Variants in FOXJ2 observed in about 807,000 individuals in gnomAD.
FOXJ2 encodes the protein forkhead box J2.
In FOXJ2, 18 loss-of-function variants were observed where a neutral mutation model predicts 68.4. That is an observed-to-expected ratio of 0.26 (90% confidence interval 0.18 to 0.39). The LOEUF (loss-of-function observed/expected upper bound fraction) is 0.39, where lower values mean the gene tolerates loss of function less well. FOXJ2 is among the 10% of genes least tolerant of loss of function. The pLI is 1.00. For synonymous variants in FOXJ2, 274 were observed against 263.2 expected (o/e 1.04, Z -0.40); for missense variants, 670 against 726.5 (o/e 0.92, Z 0.89).
At chr12:8,036,530 T>C (rs919222565) in intron 1 of FOXJ2, among the ~76,000 whole-genome samples, 4 of 151,368 alleles carry the variant, frequency 2.6e-5, no homozygotes, top group African/African-American at 4.9e-5. Flanking sequence ...GTGGCCTGAC[T>C]CAGGTTCTGC....
At chr12:8,045,519 G>A (rs1287871042) in intron 6 of FOXJ2, among the ~76,000 whole-genome samples, 1 of 151,500 alleles carries the variant, frequency 6.6e-6, no homozygotes, top group East Asian at 1.9e-4. Context: ...CCTGGCTTAA[G>A]TTTTGTATTT....
rs1409899237 is a variant in FOXJ2, at chr12:8,035,888, ACTGGGTGATATTAT to A, written c.-15+2058_-15+2071del. Among the ~76,000 whole-genome samples the A allele has an allele frequency of 1.3e-5, 2 of 152,124 alleles. No individual in the cohort carries two copies. The highest frequency in any genetic ancestry group is 2.4e-5 in the African/African-American group (1 of 41,412). ...CTTCCTGATCCTAGCATTAGCCAGT[ACTGGGTGATATTAT>A]CTCTAAAGGAAAAGTTTGAGATTCT... On this transcript the variant is annotated intron_variant, in intron 1 of 10. Transcript: ENST00000162391. The surrounding 1 kb of genome is among the most constrained non-coding windows in gnomAD (Gnocchi z 4.0).
Position 8,047,341 on chromosome 12 carries a change from C to G in FOXJ2, c.818-541C>G, listed in dbSNP as rs933978640. On this transcript the variant is annotated intron_variant, in intron 6 of 10. Transcript: ENST00000162391. ...GTACACACCTGTAGTCTCAGCTACT[C>G]GGGAGGCTGAGGCAGGAGAATTGCT... Among the ~76,000 whole-genome samples, 3 of 151,916 alleles carry G rather than the reference C, an allele frequency of 2.0e-5. No individual in the cohort carries two copies. In the East Asian group the frequency reaches 5.8e-4, roughly 29 times the overall value.
chr12:8,047,961 A>G lies in FOXJ2; in HGVS notation c.897A>G (p.Gln299=), dbSNP rs1947061462. The change falls in exon 7 of 11, where the codon CAA becomes CAG. Residue 299 remains glutamine, a synonymous_variant. Transcript: ENST00000162391. The part of the protein sequence containing the change: ...MYQQQQPPPP[Q]QQQQQQQPPQ... The stretch of plus-strand genomic sequence containing the variant: ...AGCAGCAGCAGCCACCGCCACCTCA[A>G]CAGCAGCAGCAGCAGCAGCAGCCGC... 4 of 1,609,782 alleles carry G rather than the reference A, an allele frequency of 2.5e-6. No homozygotes were observed. The highest frequency in any genetic ancestry group is 2.7e-5 in the African/African-American group (2 of 74,696).
At chr12:8,047,816 G>A in intron 6 of FOXJ2, 66 bp from the exon 7 acceptor site, 1 of 1,520,792 alleles carries the variant, frequency 6.6e-7, no homozygotes, top group Non-Finnish European at 8.8e-7. Context: ...TCTCAACCCA[G>A]GGAAAATCCC....
chr12:8,050,855 T>TCTCTTCCCTTC (rs1947109053), intron 10 of FOXJ2, among the ~76,000 whole-genome samples: 1 of 59,054 alleles, frequency 1.7e-5, no homozygotes, highest in Non-Finnish European at 3.2e-5. Flanking sequence ...CCCTTCCCCT[T>TCTCTTCCCTTC]CCCTTCCCTT....
chr12:8,034,812 T>C (rs903033494), intron 1 of FOXJ2, among the ~76,000 whole-genome samples: 13 of 152,228 alleles, frequency 8.5e-5, no homozygotes, highest in Non-Finnish European at 2.9e-5. Context: ...AAAGTTTTCC[T>C]TCATAAGCTA....
At chr12:8,051,280 C>G (rs1732644470) in intron 10 of FOXJ2, among the ~76,000 whole-genome samples, 1 of 151,848 alleles carries the variant, frequency 6.6e-6, no homozygotes, top group Non-Finnish European at 1.5e-5. Context: ...CAGACCCACA[C>G]CACCATGCCT....
Position 8,050,551 on chromosome 12 carries a change from C to T in FOXJ2, c.1567C>T (p.His523Tyr). Residue 523 changes from histidine to tyrosine, a missense_variant, in exon 10 of 11, where the codon CAC (histidine) becomes TAC (tyrosine). Transcript: ENST00000162391. ...VNSYGHPQAP[H>Y]LYPGPSPMYP... ...CTCTTATGGGCACCCACAAGCTCCCCACCTCTACCCTGGCCCATCACCAAT... is the reference window on the plus strand; with the variant it reads ...CTCTTATGGGCACCCACAAGCTCCCTACCTCTACCCTGGCCCATCACCAAT... The T allele has an allele frequency of 6.2e-7, 1 of 1,613,800 alleles. No individual in the cohort carries two copies. The highest frequency in any genetic ancestry group is 8.5e-7 in the Non-Finnish European group (1 of 1,179,878).
chr12:8,055,213 A>G lies in FOXJ2; in HGVS notation c.*2363A>G, dbSNP rs1947172116. 1 of 152,686 alleles carries G rather than the reference A, an allele frequency of 6.5e-6. No homozygotes were observed. The highest frequency in any genetic ancestry group is 6.5e-5 in the Admixed American group (1 of 15,290). The allele number at this position is 152,686 out of a possible 1,614,324, so 9.5% of individuals were successfully genotyped here. A position where few individuals can be genotyped will look rare whatever the true frequency, so the allele number is the denominator to read the frequency against. On this transcript the variant is annotated 3_prime_UTR_variant, in exon 11 of 11. Transcript: ENST00000162391. The stretch of plus-strand genomic sequence containing the variant: ...GCATTGCTGGACACAAAGTGTAGTC[A>G]TTATTGTTGTATTGGGTGATGTGTG...
At position 8,043,933 on chromosome 12, in the gene FOXJ2, T is replaced by C. The variant is rs1345508676; in HGVS notation, c.478-18T>C. ...TTGCGCCTCTGCTTATAGATTTCTTTTTTTTCACAACCCTCAGCTGTCCCA... is the reference window on the plus strand; with the variant it reads ...TTGCGCCTCTGCTTATAGATTTCTTCTTTTTCACAACCCTCAGCTGTCCCA... On this transcript the variant is annotated intron_variant, in intron 4 of 10. Transcript: ENST00000162391. 1 of 1,547,416 alleles carries C rather than the reference T, an allele frequency of 6.5e-7. No individual in the cohort carries two copies. Among genetic ancestry groups the C allele is most frequent in the East Asian group, 2.3e-5 (1 of 44,432 alleles).
intron 1 of FOXJ2, among the ~76,000 whole-genome samples, chr12:8,034,616 T>A (rs1223691130): frequency 6.6e-6 from 1 of 152,180 alleles, no homozygotes; most frequent in African/African-American, 2.4e-5. Flanking sequence ...AAAAATTAGA[T>A]CCTGGATACG....
intron 3 of FOXJ2, among the ~76,000 whole-genome samples, chr12:8,043,178 T>G (rs1243699092): frequency 4.3e-5 from 6 of 139,278 alleles, no homozygotes; most frequent in Non-Finnish European, 7.6e-5. Context: ...GATTGTGCCA[T>G]TGCACTCCAG....
chr12:8,048,577 G>C (rs1434455439), intron 7 of FOXJ2, 120 bp from the exon 8 acceptor site: 1 of 1,200,996 alleles, frequency 8.3e-7, no homozygotes, highest in African/African-American at 1.5e-5. Context: ...CCAAAACTTG[G>C]AAATGCAACT....
In FOXJ2 at chr12:8,051,156, G is replaced by A. The variant is rs1345563906; in HGVS notation, c.1636+536G>A. ...CCCCTTTTCTTTTCTTTTCAACAGA[G>A]TCTCGCTCTGTTGCCCAGGCTGGAG... On this transcript the variant is annotated intron_variant, in intron 10 of 10. Coordinates refer to ENST00000162391, the MANE Select transcript of FOXJ2 (RefSeq NM_018416.3). Among the ~76,000 whole-genome samples the A allele has an allele frequency of 4.8e-5, 5 of 103,946 alleles. No individual in the cohort carries two copies. The Admixed American group carries it at 5.8e-4, about 12-fold the overall frequency. The allele number at this position is 103,946 out of a possible 152,430, so 68.2% of individuals were successfully genotyped here. A position where few individuals can be genotyped will look rare whatever the true frequency, so the allele number is the denominator to read the frequency against.
intron 9 of FOXJ2, chr12:8,050,064 G>A (rs1947095385): frequency 5.6e-6 from 1 of 177,528 alleles, no homozygotes; most frequent in African/African-American, 2.4e-5. Flanking sequence ...TTGACCCCTG[G>A]AGCTCAGGTG....
chr12:8,047,753 C>A (rs1724746172), intron 6 of FOXJ2, 129 bp from the exon 7 acceptor site: 1 of 1,249,384 alleles, frequency 8.0e-7, no homozygotes, highest in Non-Finnish European at 1.1e-6. Flanking sequence ...ATCTTTGCTG[C>A]CCTAGAATGT....
chr12:8,048,805 G>C lies in FOXJ2; in HGVS notation c.1327+7G>C. On this transcript the variant is annotated splice_region_variant and intron_variant, in intron 8 of 10. Transcript: ENST00000162391. ...GAGCAGTCACAATTCTCAGGTTAGT[G>C]ATCAAAGGACGAAGGAAGAGAGGGA... The C allele has an allele frequency of 6.2e-7, 1 of 1,612,412 alleles. No individual in the cohort carries two copies. The highest frequency in any genetic ancestry group is 8.5e-7 in the Non-Finnish European group (1 of 1,178,760).
rs1446443773 is a variant in FOXJ2 at position 8,052,936 on chromosome 12, C to T, written c.*86C>T. The T allele has an allele frequency of 9.9e-7, 1 of 1,010,164 alleles. No individual in the cohort carries two copies. Among genetic ancestry groups the T allele is most frequent in the East Asian group, 2.6e-5 (1 of 38,186 alleles). The allele number at this position is 1,010,164 out of a possible 1,614,324, so 62.6% of individuals were successfully genotyped here. A position where few individuals can be genotyped will look rare whatever the true frequency, so the allele number is the denominator to read the frequency against. ...GAGCAACCCCAGCCCGTCCCTTCCC[C>T]CCGTCTGTATATAGACATATATCCT... is the stretch of plus-strand genomic sequence containing the variant. On this transcript the variant is annotated 3_prime_UTR_variant, in exon 11 of 11. Coordinates refer to ENST00000162391, the MANE Select transcript of FOXJ2 (RefSeq NM_018416.3).
Sources: gnomAD v4.1 joint callset for allele counts (sites outside exome capture counted in the v4.1 genomes callset) on GRCh38, gnomAD v4.1.1 for gene constraint, Gnocchi (gnomAD v3.1) non-coding constraint, MANE v1.5 for transcripts, NCBI Gene and HGNC (gene_info 2026-07-23, HGNC 2026-07-21) for gene names.